The following PNMA6E variants were observed in gnomAD, a reference collection of about 807,000 sequenced individuals.
PNMA6E encodes the protein paraneoplastic antigen Ma6E.
For missense variants in PNMA6E, 78 were observed against 50.8 expected (o/e 1.53, Z -1.63); for synonymous variants, 43 against 17.1 (o/e 2.52, Z -3.74).
intron 1 of PNMA6E, among the ~76,000 whole-genome samples, chrX:153,401,028 G>C (rs2124273567): frequency 9.1e-6 from 1 of 109,961 alleles, no homozygotes; most frequent in South Asian, 4.1e-4. Flanking sequence ...GCCCTCCCGA[G>C]GGGGCCTTCC....
upstream of PNMA6E, among the ~76,000 whole-genome samples, chrX:153,405,141 G>A (rs1242538987): frequency 8.9e-6 from 1 of 112,293 alleles, no homozygotes; most frequent in Non-Finnish European, 1.9e-5. Flanking sequence ...TTTCGCTGTC[G>A]CCTTGTGAGT....
At chrX:153,401,688 G>C (rs1405010344), upstream of PNMA6E, among the ~76,000 whole-genome samples, 2 of 111,972 alleles carry the variant, frequency 1.8e-5, no homozygotes, top group Non-Finnish European at 3.8e-5. Flanking sequence ...TTTTTCCACT[G>C]TTTGCTTTCC....
chrX:153,408,362 C>A, the PNMA6E span, among the ~76,000 whole-genome samples: 1 of 112,536 alleles, frequency 8.9e-6, no homozygotes, highest in African/African-American at 3.2e-5. Flanking sequence ...GAGGCCTGGG[C>A]ATTGCTCCCT....
In PNMA6E at chrX:153,396,767, G is replaced by C. The variant is rs374500321; in HGVS notation, c.*139C>G. 2 of 294,545 alleles carry C rather than the reference G, an allele frequency of 6.8e-6. No individual in the cohort carries two copies. The highest frequency in any genetic ancestry group is 2.7e-5 in the African/African-American group (1 of 36,589). The allele number at this position is 294,545 out of a possible 1,213,427, so 24.3% of individuals were successfully genotyped here. A position where few individuals can be genotyped will look rare whatever the true frequency, so the allele number is the denominator to read the frequency against. On this transcript the variant is annotated 3_prime_UTR_variant, in exon 2 of 2. Transcript: ENST00000445091. ...TCCGGGTCACAGGGAAGGAATGGGG[G>C]TGGTGGCCAGAGCCCCTTGGGGGAG... is the stretch of plus-strand genomic sequence containing the variant.
the PNMA6E span, among the ~76,000 whole-genome samples, chrX:153,409,411 G>A: frequency 3.5e-5 from 4 of 113,142 alleles, no homozygotes; most frequent in East Asian, 1.1e-3. Flanking sequence ...TAAGGGGAGT[G>A]GAGAGGAGGA....
At chrX:153,411,576 C>T in the PNMA6E span, among the ~76,000 whole-genome samples, 51 of 112,896 alleles carry the variant, frequency 4.5e-4, no homozygotes, top group African/African-American at 1.4e-3. Context: ...CCAGGAGCCC[C>T]CACCCCCCGC....
rs1894128666 is a variant in PNMA6E at position 153,398,882 on chromosome X, T to A, written c.-33A>T. On this transcript the variant is annotated 5_prime_UTR_variant, in exon 2 of 2. Coordinates refer to ENST00000445091, the MANE Select transcript of PNMA6E (RefSeq NM_001367770.1). ...GACTTGAGGGAGGGAGCCTGATCAA[T>A]CAGGAATGTGTGCTGACTGTTGCAG... is the stretch of plus-strand genomic sequence containing the variant. 2 of 298,851 alleles carry A rather than the reference T, an allele frequency of 6.7e-6. No individual in the cohort carries two copies. Among genetic ancestry groups the A allele is most frequent in the Non-Finnish European group, 1.2e-5 (2 of 171,155 alleles). 24.6% of individuals were successfully genotyped at this position (298,851 alleles called of 1,213,427 possible). A position where few individuals can be genotyped will look rare whatever the true frequency, so the allele number is the denominator to read the frequency against.
At chrX:153,399,594 C>A (rs12558848) in intron 1 of PNMA6E, among the ~76,000 whole-genome samples, 19,460 of 110,856 alleles carry the variant, frequency 0.18, 1,359 homozygotes, top group East Asian at 0.35. Context: ...GCAATCCTCC[C>A]GCCTCAGCCT....
chrX:153,402,172 A>G (rs1227862748), upstream of PNMA6E, among the ~76,000 whole-genome samples: 1 of 111,503 alleles, frequency 9.0e-6, no homozygotes, highest in Non-Finnish European at 1.9e-5. Context: ...ATCTCCAATT[A>G]TAATTGTGAA....
the PNMA6E span, among the ~76,000 whole-genome samples, chrX:153,408,362 C>T: frequency 8.9e-6 from 1 of 112,536 alleles, no homozygotes; most frequent in South Asian, 3.7e-4. Flanking sequence ...GAGGCCTGGG[C>T]ATTGCTCCCT....
At chrX:153,405,471 C>T (rs782178415), upstream of PNMA6E, among the ~76,000 whole-genome samples, 210 of 110,921 alleles carry the variant, frequency 1.9e-3, 1 homozygote, top group African/African-American at 6.7e-3. Context: ...GAGAAGGCAG[C>T]GTGTGTCTTG....
rs191854909 is a variant in PNMA6E at position 153,397,259 on chromosome X, C to T, written c.1591G>A (p.Glu531Lys). The T allele has an allele frequency of 4.7e-4, 140 of 296,960 alleles. 1 individual carries two copies. Among genetic ancestry groups the T allele is most frequent in the African/African-American group, 3.4e-3 (125 of 36,843 alleles). 24.5% of individuals were successfully genotyped at this position (296,960 alleles called of 1,213,427 possible). Reference protein sequence around the residue: ...QASPAQGNASEAGPGAEDAAE... With the variant: ...QASPAQGNASKAGPGAEDAAE... Reference sequence around the variant, plus strand: ...GCATCTTCTGCTCCGGGACCAGCCTCGCTGGCATTCCCCTGGGCTGGGGAG... The same window carrying T: ...GCATCTTCTGCTCCGGGACCAGCCTTGCTGGCATTCCCCTGGGCTGGGGAG... The change falls in exon 2 of 2, where the codon GAG (glutamate) becomes AAG (lysine). Residue 531 changes from glutamate to lysine, a missense_variant. Glu to Lys is a moderately conservative substitution (Grantham distance 56). Transcript: ENST00000445091.
chrX:153,396,983 T>C lies in PNMA6E; in HGVS notation c.1867A>G (p.Ile623Val). 3.4e-6 allele frequency: 1 copy of C among 297,743 alleles called. No homozygotes were observed. Among genetic ancestry groups the C allele is most frequent in the Non-Finnish European group, 5.9e-6 (1 of 170,324 alleles). The allele number at this position is 297,743 out of a possible 1,213,427, so 24.5% of individuals were successfully genotyped here. A position where few individuals can be genotyped will look rare whatever the true frequency, so the allele number is the denominator to read the frequency against. ...TCCTCGTTTTCCGGCTCCTCCAAGATGGTCTGGAGCCCCTCCAGTGGGGGT... is the reference window on the plus strand; with the variant it reads ...TCCTCGTTTTCCGGCTCCTCCAAGACGGTCTGGAGCCCCTCCAGTGGGGGT... ...RKPPLEGLQT[I>V]LEEPENEDED... The change falls in exon 2 of 2, where the codon ATC becomes GTC. Residue 623 changes from isoleucine (I) to valine (V), a missense_variant. Transcript: ENST00000445091.
the PNMA6E span, among the ~76,000 whole-genome samples, chrX:153,409,924 C>T: frequency 0.011 from 1,275 of 112,389 alleles, 15 homozygotes; most frequent in African/African-American, 0.036. Flanking sequence ...AAGGTCCCCC[C>T]GCCCCCTGCC....
chrX:153,406,157 A>C (rs1263069087), upstream of PNMA6E, among the ~76,000 whole-genome samples: 1 of 112,724 alleles, frequency 8.9e-6, no homozygotes, highest in Non-Finnish European at 1.9e-5. Flanking sequence ...TCTGAGAAGC[A>C]AACCAAGGGC....
At position 153,396,752 on chromosome X, in the gene PNMA6E, A is replaced by G. The variant is rs925122379; in HGVS notation, c.*154T>C. The G allele has an allele frequency of 1.4e-5, 4 of 290,713 alleles. No homozygotes were observed. Among genetic ancestry groups the G allele is most frequent in the African/African-American group, 1.1e-4 (4 of 36,287 alleles). 24.0% of individuals were successfully genotyped at this position (290,713 alleles called of 1,213,427 possible). A position where few individuals can be genotyped will look rare whatever the true frequency, so the allele number is the denominator to read the frequency against. ...TATCAAACGTGGTCATCCGGGTCAC[A>G]GGGAAGGAATGGGGGTGGTGGCCAG... On this transcript the variant is annotated 3_prime_UTR_variant, in exon 2 of 2. Transcript: ENST00000445091.
At chrX:153,408,130 AG>A in the PNMA6E span, among the ~76,000 whole-genome samples, 1 of 112,572 alleles carries the variant, frequency 8.9e-6, no homozygotes, top group Non-Finnish European at 1.9e-5. Flanking sequence ...GTGAAGGGAG[AG>A]GGAGGCCGTC....
rs1237942129 is a variant in PNMA6E, at chrX:153,398,596, T to C, written c.254A>G (p.Asn85Ser). 7 of 337,898 alleles carry C rather than the reference T, an allele frequency of 2.1e-5. No homozygotes were observed. The highest frequency in any genetic ancestry group is 3.1e-5 in the Non-Finnish European group (6 of 195,720). The allele number at this position is 337,898 out of a possible 1,213,427, so 27.8% of individuals were successfully genotyped here. A position where few individuals can be genotyped will look rare whatever the true frequency, so the allele number is the denominator to read the frequency against. Residue 85 changes from asparagine (N) to serine (S), a missense_variant, in exon 2 of 2, where the codon AAT becomes AGT. Asn to Ser is a conservative substitution (Grantham distance 46, BLOSUM62 1). Coordinates refer to ENST00000445091, the MANE Select transcript of PNMA6E (RefSeq NM_001367770.1). ...GAAGATCACTTTCCAGGGCCCCCCA[T>C]TGCCTGGTATTTGATGGGGAATCAA... ...RSLIPHQIPG[N>S]GGPWKVIFLP...
intron 1 of PNMA6E, 99 bp downstream of exon 1, chrX:153,401,144 TG>T (rs1295792827): frequency 8.8e-5 from 3 of 34,065 alleles, no homozygotes; most frequent in Non-Finnish European, 1.6e-4. Flanking sequence ...CCACACCGCC[TG>T]CCCCCCCCCC....
Sources: allele counts gnomAD v4.1 joint callset (sites outside exome capture counted in the v4.1 genomes callset), GRCh38; gene constraint gnomAD v4.1.1; transcripts MANE v1.5; gene names NCBI Gene and HGNC (gene_info 2026-07-23, HGNC 2026-07-21).